The following COL18A1 variants were observed in gnomAD, a reference collection of about 807,000 sequenced individuals.
COL18A1 encodes the protein collagen alpha-1(XVIII) chain.
COL18A1 carries 133 observed loss-of-function variants against 168.0 expected under a neutral mutation model. The observed-to-expected ratio is 0.79, with a 90% CI of 0.69 to 0.91. The LOEUF (loss-of-function observed/expected upper bound fraction) is 0.91, where lower values mean the gene tolerates loss of function less well. Among genes scored for constraint, COL18A1 ranks in the 40% least tolerant of loss-of-function variants. The pLI is 0.00. For synonymous variants in COL18A1, 949 were observed against 809.0 expected (o/e 1.17, Z -2.94); for missense variants, 2,126 against 1,925.4 (o/e 1.10, Z -1.95).
At chr21:45,436,511 TCGGCAAAAAAGTC>T (rs1328218518) in intron 2 of COL18A1, among the ~76,000 whole-genome samples, 1 of 152,098 alleles carries the variant, frequency 6.6e-6, no homozygotes, top group African/African-American at 2.4e-5. Flanking sequence ...GGCTTTCGGT[TCGGCAAAAAAGTC>T]GTCTTTGTGG....
chr21:45,455,726 C>A, intron 2 of COL18A1: 1 of 1,613,966 alleles, frequency 6.2e-7, no homozygotes, highest in Non-Finnish European at 8.5e-7. Context: ...ACACGTGACC[C>A]CCCGGAATGG....
intron 2 of COL18A1, among the ~76,000 whole-genome samples, chr21:45,446,058 A>G (rs2034498535): frequency 6.6e-6 from 1 of 152,172 alleles, no homozygotes; most frequent in Non-Finnish European, 1.5e-5. Context: ...AAGTTTTTTT[A>G]TTTTAGCTCT....
chr21:45,405,513 CG>C, intron 2 of COL18A1, 40 bp downstream of exon 2: 1 of 1,208,688 alleles, frequency 8.3e-7, no homozygotes, highest in South Asian at 2.4e-5. Context: ...CGCCGGTGCC[CG>C]CCGGCCTCGC....
intron 20 of COL18A1, 143 bp downstream of exon 20, chr21:45,490,489 C>A: frequency 1.5e-6 from 1 of 656,182 alleles, no homozygotes; most frequent in Non-Finnish European, 2.5e-6. Flanking sequence ...CCTCCGTGTG[C>A]CCTCCCGGGT....
intron 41 of COL18A1, among the ~76,000 whole-genome samples, chr21:45,511,669 C>T (rs759683603): frequency 3.3e-5 from 5 of 152,110 alleles, no homozygotes; most frequent in Non-Finnish European, 5.9e-5. Context: ...GCTGTGCCCT[C>T]CCCACGTGAG....
rs773884498 is a variant in COL18A1, at chr21:45,478,366, T to G, written c.1248+13T>G. 2.2e-5 allele frequency: 36 copies of G among 1,614,060 alleles called. No homozygotes were observed. In the South Asian group the frequency reaches 3.7e-4, roughly 17 times the overall value. On this transcript the variant is annotated intron_variant, in intron 9 of 41. Transcript: ENST00000651438. ...AGACGGAAAGCCGGTGAGTCTGCTTTTCTTTCTGACCCCTGTGTTATCTGT... is the reference window on the plus strand; with the variant it reads ...AGACGGAAAGCCGGTGAGTCTGCTTGTCTTTCTGACCCCTGTGTTATCTGT...
chr21:45,500,086 AGT>A (rs60652486), intron 32 of COL18A1, among the ~76,000 whole-genome samples: 1 of 150,472 alleles, frequency 6.6e-6, no homozygotes, highest in Non-Finnish European at 1.5e-5. Flanking sequence ...GTGTGTGTGG[AGT>A]GTGTGTATGT....
intron 2 of COL18A1, among the ~76,000 whole-genome samples, chr21:45,430,792 A>T (rs1201087890): frequency 6.6e-6 from 1 of 152,118 alleles, no homozygotes; most frequent in Non-Finnish European, 1.5e-5. Context: ...TCGTCCACCA[A>T]AGCAAGCTCC....
rs560259082 is a variant in COL18A1, at chr21:45,443,620, C to T, written c.107-24622C>T. Among the ~76,000 whole-genome samples the T allele has an allele frequency of 1.4e-4, 22 of 152,246 alleles. No homozygotes were observed. The highest frequency in any genetic ancestry group is 5.1e-4 in the African/African-American group (21 of 41,548). On this transcript the variant is annotated intron_variant, in intron 2 of 41. Transcript: ENST00000651438. The surrounding 1 kb of genome is among the most constrained non-coding windows in gnomAD (Gnocchi z 5.2). ...CCGACAGGCGGCCCTTTTTCTCCCA[C>T]GTGGGCGAAAAGTGAAGCCTCTGGG...
rs1381067182 is a variant in COL18A1 at position 45,443,571 on chromosome 21, G to T, written c.107-24671G>T. 6.6e-6 allele frequency among the ~76,000 whole-genome samples: 1 copy of T among 152,144 alleles called. No homozygotes were observed. The highest frequency in any genetic ancestry group is 1.5e-5 in the Non-Finnish European group (1 of 68,002). The stretch of plus-strand genomic sequence containing the variant: ...CTCTCGGGACCTAGGAGGTCCCGGG[G>T]TGTGGACTGTGCTGAACTGTTCTCC... On this transcript the variant is annotated intron_variant, in intron 2 of 41. Coordinates refer to ENST00000651438, the MANE Select transcript of COL18A1 (RefSeq NM_001379500.1). This position sits in a 1 kb window ranked among gnomAD's most constrained non-coding sequence, Gnocchi z 5.2.
chr21:45,480,996 C>T (rs965964414), intron 13 of COL18A1, 138 bp downstream of exon 13: 452 of 1,321,894 alleles, frequency 3.4e-4, no homozygotes, highest in African/African-American at 8.3e-4. Context: ...TAGGAGCTGG[C>T]GGGCAGTTGC....
intron 2 of COL18A1, among the ~76,000 whole-genome samples, chr21:45,440,037 T>G (rs1362382363): frequency 1.3e-5 from 2 of 152,196 alleles, no homozygotes; most frequent in African/African-American, 4.8e-5. Context: ...CAGCGGAGGC[T>G]GGCAGGCCGT....
chr21:45,469,180 T>C (rs1386054518), intron 3 of COL18A1, among the ~76,000 whole-genome samples: 16 of 152,142 alleles, frequency 1.1e-4, no homozygotes, highest in Non-Finnish European at 1.2e-4. Flanking sequence ...CCCAGGCCTG[T>C]GCCAAGCCCT....
chr21:45,509,417 C>A lies in COL18A1; in HGVS notation c.3311C>A (p.Pro1104Gln), dbSNP rs187670025. Reference sequence around the variant, plus strand: ...CAGCTGCACGACAGCAACCCCTACCCGCGGCGGGAGCACCCCCACCCCACC... The same window carrying A: ...CAGCTGCACGACAGCAACCCCTACCAGCGGCGGGAGCACCCCCACCCCACC... ...VVQLHDSNPY[P>Q]RREHPHPTAR... The change falls in exon 39 of 42, where the codon CCG becomes CAG. Residue 1104 changes from proline to glutamine, a missense_variant. Pro to Gln is a moderately conservative substitution (Grantham distance 76). Transcript: ENST00000651438. 5.8e-6 allele frequency: 9 copies of A among 1,539,076 alleles called. No homozygotes were observed. Among genetic ancestry groups the A allele is most frequent in the African/African-American group, 1.4e-5 (1 of 72,928 alleles).
chr21:45,422,742 C>T (rs551546336), intron 2 of COL18A1: 5 of 266,404 alleles, frequency 1.9e-5, no homozygotes, highest in East Asian at 1.3e-4. Flanking sequence ...GTGGAGGGGC[C>T]TGTTCTTTGG....
At chr21:45,479,788 C>A (rs2035828711) in intron 9 of COL18A1, 114 bp from the exon 10 acceptor site, 2 of 1,473,438 alleles carry the variant, frequency 1.4e-6, no homozygotes, top group African/African-American at 2.8e-5. Flanking sequence ...CCAGAGACTC[C>A]CCTGAAGGGC....
At chr21:45,467,395 G>T in intron 2 of COL18A1, 1 of 985,298 alleles carries the variant, frequency 1.0e-6, no homozygotes, top group Non-Finnish European at 1.2e-6. Flanking sequence ...CAGCGGGGCT[G>T]GTGGGGAGAC....
chr21:45,411,110 G>A (rs1238474349), intron 2 of COL18A1, among the ~76,000 whole-genome samples: 1 of 152,214 alleles, frequency 6.6e-6, no homozygotes, highest in African/African-American at 2.4e-5. Flanking sequence ...GGAGGGGCAT[G>A]GGAGAGACAG....
At chr21:45,413,592 T>C (rs902645399) in intron 2 of COL18A1, among the ~76,000 whole-genome samples, 1 of 152,204 alleles carries the variant, frequency 6.6e-6, no homozygotes, top group African/African-American at 2.4e-5. Flanking sequence ...GTGCTGCCTC[T>C]GAGGAGGAGT....
Sources: allele counts gnomAD v4.1 joint callset (sites outside exome capture counted in the v4.1 genomes callset), GRCh38; gene constraint gnomAD v4.1.1; non-coding constraint Gnocchi (gnomAD v3.1); transcripts MANE v1.5; gene names NCBI Gene and HGNC (gene_info 2026-07-23, HGNC 2026-07-21).